The following BMPR1A variants were observed in gnomAD, a reference collection of about 807,000 sequenced individuals.
BMPR1A encodes the protein bone morphogenetic protein receptor type 1A, also known as bone morphogenetic protein receptor type-1A.
Under a neutral mutation model 66.0 loss-of-function variants are expected in BMPR1A, and 7 were observed. The ratio of observed to expected loss-of-function variants is 0.11; its 90% CI spans 0.06 to 0.20. The LOEUF (loss-of-function observed/expected upper bound fraction) is 0.20, where lower values mean the gene tolerates loss of function less well. Ranked by LOEUF, BMPR1A falls within the 10% of genes least tolerant of loss-of-function variation. BMPR1A has a pLI of 1.00. For synonymous variants in BMPR1A, 200 were observed against 229.7 expected (o/e 0.87, Z 1.17); for missense variants, 408 against 669.1 (o/e 0.61, Z 4.31).
chr10:86,879,270 T>C (rs1164982376), intron 3 of BMPR1A, among the ~76,000 whole-genome samples: 2 of 152,156 alleles, frequency 1.3e-5, no homozygotes, highest in Non-Finnish European at 2.9e-5. Flanking sequence ...GGAAATCTGT[T>C]TGTGTCTCTT....
At chr10:86,848,923 C>G (rs892540333) in intron 2 of BMPR1A, among the ~76,000 whole-genome samples, 1 of 152,162 alleles carries the variant, frequency 6.6e-6, no homozygotes, top group Non-Finnish European at 1.5e-5. Context: ...TTCCACTTCC[C>G]TATTCTCATT....
At chr10:86,910,752 T>C (rs1007437194) in intron 7 of BMPR1A, among the ~76,000 whole-genome samples, 3 of 152,240 alleles carry the variant, frequency 2.0e-5, no homozygotes, top group African/African-American at 7.2e-5. Flanking sequence ...ATTTGTTTCT[T>C]AGTTTCCATT....
chr10:86,859,397 G>A (rs1217212964), intron 2 of BMPR1A, among the ~76,000 whole-genome samples: 1 of 151,930 alleles, frequency 6.6e-6, no homozygotes, highest in Non-Finnish European at 1.5e-5. Context: ...TCAAACTCCT[G>A]GGCTCAAGTG....
chr10:86,881,595 T>C (rs7915252), intron 3 of BMPR1A, among the ~76,000 whole-genome samples: 56,432 of 152,074 alleles, frequency 0.37, 12,283 homozygotes, highest in East Asian at 0.7. Flanking sequence ...GCTACCATAT[T>C]GGACAGCACA....
At chr10:86,775,664 AG>A (rs1182965850) in intron 1 of BMPR1A, among the ~76,000 whole-genome samples, 2 of 151,952 alleles carry the variant, frequency 1.3e-5, no homozygotes, top group Admixed American at 6.6e-5. Context: ...AAAAATAGCT[AG>A]TTTTTTTTTT....
intron 3 of BMPR1A, among the ~76,000 whole-genome samples, chr10:86,888,647 G>A (rs2133386631): frequency 6.6e-6 from 1 of 151,786 alleles, no homozygotes. Flanking sequence ...AGCAGTATAG[G>A]GAGACCTTGT....
At chr10:86,866,684 C>A (rs1216592724) in intron 2 of BMPR1A, among the ~76,000 whole-genome samples, 3 of 150,740 alleles carry the variant, frequency 2.0e-5, no homozygotes, top group Admixed American at 1.3e-4. Context: ...AGTTTCTTTG[C>A]GCTTCATTTT....
rs560893793 is a variant in BMPR1A at position 86,827,525 on chromosome 10, A to G, written c.-267-11340A>G. The stretch of plus-strand genomic sequence containing the variant: ...TTCTTTTGCGTGGCTCATGGTAGCT[A>G]AGTACAAAAGGTTCTCTAGGTTATA... On this transcript the variant is annotated intron_variant, in intron 1 of 12. Transcript: ENST00000372037. Among the ~76,000 whole-genome samples, 15 of 152,296 alleles carry G rather than the reference A, an allele frequency of 9.8e-5. No homozygotes were observed. In the South Asian group the frequency reaches 3.1e-3, roughly 32 times the overall value.
chr10:86,833,663 T>A (rs1277586506), intron 1 of BMPR1A, among the ~76,000 whole-genome samples: 1 of 152,188 alleles, frequency 6.6e-6, no homozygotes, highest in East Asian at 1.9e-4. Flanking sequence ...ATTCTCTTGA[T>A]GTGCCACTGG....
intron 1 of BMPR1A, among the ~76,000 whole-genome samples, chr10:86,796,906 TG>T (rs1206921393): frequency 6.6e-6 from 1 of 152,174 alleles, no homozygotes; most frequent in Non-Finnish European, 1.5e-5. Flanking sequence ...TGTTTTGTCC[TG>T]TTCATAAAAG....
intron 9 of BMPR1A, among the ~76,000 whole-genome samples, chr10:86,918,685 G>T (rs1843612998): frequency 6.7e-6 from 1 of 149,618 alleles, no homozygotes; most frequent in Non-Finnish European, 1.5e-5. Flanking sequence ...GTGCAGTGGC[G>T]CCATCTTGGC....
intron 2 of BMPR1A, among the ~76,000 whole-genome samples, chr10:86,851,913 A>G (rs1401636095): frequency 1.3e-5 from 2 of 152,200 alleles, no homozygotes; most frequent in East Asian, 3.8e-4. Context: ...AGCAGAGAGA[A>G]TGGCAAGGTC....
At chr10:86,886,738 A>G (rs1214786823) in intron 3 of BMPR1A, among the ~76,000 whole-genome samples, 2 of 151,690 alleles carry the variant, frequency 1.3e-5, no homozygotes, top group African/African-American at 2.4e-5. Context: ...CTTAGATTTC[A>G]TTACTTTTGA....
intron 1 of BMPR1A, among the ~76,000 whole-genome samples, chr10:86,811,067 A>ATTGCTC (rs1841963437): frequency 6.6e-6 from 1 of 151,898 alleles, no homozygotes; most frequent in Admixed American, 6.6e-5. Context: ...GAGCCAGAGT[A>ATTGCTC]TTGCTCTGTT....
At chr10:86,903,855 C>G (rs563783773) in intron 7 of BMPR1A, among the ~76,000 whole-genome samples, 16 of 152,110 alleles carry the variant, frequency 1.1e-4, no homozygotes, top group Non-Finnish European at 2.1e-4. Flanking sequence ...ATCCGCCCGC[C>G]TTGGCCTCCC....
chr10:86,886,127 T>C (rs1327214653), intron 3 of BMPR1A, among the ~76,000 whole-genome samples: 1 of 152,236 alleles, frequency 6.6e-6, no homozygotes, highest in Non-Finnish European at 1.5e-5. Flanking sequence ...GTTTATTCTT[T>C]GTAAATACAC....
Position 86,874,598 on chromosome 10 carries a change from G to A in BMPR1A, c.-152-1269G>A, listed in dbSNP as rs182105453. On this transcript the variant is annotated intron_variant, in intron 2 of 12. Coordinates refer to ENST00000372037, the MANE Select transcript of BMPR1A (RefSeq NM_004329.3). ...TTTTTTTTGTATTTTTAGTAGAGAC[G>A]GGGTTTCACTATGTTAGCCTGGATG... Among the ~76,000 whole-genome samples the A allele has an allele frequency of 3.8e-3, 569 of 151,700 alleles. 2 individuals are homozygous for A. Among genetic ancestry groups the A allele is most frequent in the Non-Finnish European group, 6.7e-3 (454 of 67,904 alleles).
chr10:86,893,397 G>T (rs1331510011), intron 5 of BMPR1A, among the ~76,000 whole-genome samples: 1 of 152,190 alleles, frequency 6.6e-6, no homozygotes, highest in Non-Finnish European at 1.5e-5. Context: ...TGTCCCAGGA[G>T]ATCCTTCCAG....
At chr10:86,799,990 T>G (rs1841789190) in intron 1 of BMPR1A, among the ~76,000 whole-genome samples, 1 of 152,136 alleles carries the variant, frequency 6.6e-6, no homozygotes, top group African/African-American at 2.4e-5. Context: ...GAGGGAAGAT[T>G]TAACTAAAAA....
Sources: gnomAD v4.1 joint callset for allele counts (sites outside exome capture counted in the v4.1 genomes callset) on GRCh38, gnomAD v4.1.1 for gene constraint, MANE v1.5 for transcripts, NCBI Gene and HGNC (gene_info 2026-07-23, HGNC 2026-07-21) for gene names.